The following ENOX1 variants were observed in gnomAD, a reference collection of about 807,000 sequenced individuals.
ENOX1 encodes the protein ecto-NOX disulfide-thiol exchanger 1.
A neutral mutation model predicts 82.5 loss-of-function variants in ENOX1; 42 were observed. The ratio of observed to expected loss-of-function variants is 0.51; its 90% CI spans 0.40 to 0.66. The LOEUF (loss-of-function observed/expected upper bound fraction) is 0.66. Among genes scored for constraint, ENOX1 ranks in the 30% least tolerant of loss-of-function variants. The pLI is 0.00. For missense variants in ENOX1, 608 were observed against 811.6 expected, an observed-to-expected ratio of 0.75 and a Z score of 3.05; for synonymous variants, 271 against 282.2, an observed-to-expected ratio of 0.96 and a Z score of 0.40.
At chr13:43,375,052 C>A (rs1431940356) in intron 5 of ENOX1, among the ~76,000 whole-genome samples, 1 of 152,126 alleles carries the variant, frequency 6.6e-6, no homozygotes, top group African/African-American at 2.4e-5. Context: ...CGTTTATGTG[C>A]CAGCAATTTA....
At chr13:43,605,546 C>T (rs998627130) in intron 2 of ENOX1, among the ~76,000 whole-genome samples, 2 of 152,030 alleles carry the variant, frequency 1.3e-5, no homozygotes, top group Non-Finnish European at 2.9e-5. Flanking sequence ...CAAGAACATA[C>T]CTTAGGGGAA....
intron 1 of ENOX1, among the ~76,000 whole-genome samples, chr13:43,770,697 A>ACG (rs1951540124): frequency 2.0e-5 from 3 of 148,358 alleles, no homozygotes; most frequent in African/African-American, 5.2e-5. Context: ...ACACACACAC[A>ACG]CACACACACA....
At chr13:43,711,681 G>A (rs1415747941) in intron 1 of ENOX1, among the ~76,000 whole-genome samples, 5 of 152,096 alleles carry the variant, frequency 3.3e-5, no homozygotes, top group African/African-American at 7.3e-5. Context: ...GTGATGATGA[G>A]CATTTTTTCA....
intron 9 of ENOX1, among the ~76,000 whole-genome samples, chr13:43,327,355 C>T (rs2048171569): frequency 6.6e-6 from 1 of 152,204 alleles, no homozygotes; most frequent in African/African-American, 2.4e-5. Flanking sequence ...TAATTTAGTA[C>T]TTCTGCTGCT....
At chr13:43,398,837 C>T (rs140842015) in intron 5 of ENOX1, among the ~76,000 whole-genome samples, 1 of 150,988 alleles carries the variant, frequency 6.6e-6, no homozygotes. Flanking sequence ...TCTCTGTCAC[C>T]CAGGCTGGAG....
At chr13:43,721,383 T>A (rs958649297) in intron 1 of ENOX1, among the ~76,000 whole-genome samples, 1 of 137,988 alleles carries the variant, frequency 7.2e-6, no homozygotes, top group African/African-American at 2.7e-5. Flanking sequence ...TATCTTTTTT[T>A]TTTTTTTTTT....
intron 2 of ENOX1, among the ~76,000 whole-genome samples, chr13:43,594,473 T>C (rs2081373601): frequency 1.3e-5 from 2 of 152,196 alleles, no homozygotes; most frequent in Non-Finnish European, 2.9e-5. Context: ...GCACTTCAGT[T>C]CAAAAGGCTA....
chr13:43,439,041 C>CTTTTTTTTTTT (rs61212622), intron 3 of ENOX1, among the ~76,000 whole-genome samples: 2 of 120,146 alleles, frequency 1.7e-5, no homozygotes, highest in African/African-American at 3.1e-5. Flanking sequence ...GTCTTTTAAT[C>CTTTTTTTTTTT]TTTTTTTTTT....
chr13:43,531,306 C>CA (rs1316363465), intron 2 of ENOX1, among the ~76,000 whole-genome samples: 5 of 151,798 alleles, frequency 3.3e-5, no homozygotes, highest in African/African-American at 1.2e-4. Flanking sequence ...TTTATGCAGC[C>CA]AAAAACACAT....
Position 43,430,988 on chromosome 13 carries a change from G to A in ENOX1, c.-74-18000C>T, listed in dbSNP as rs374341298. On this transcript the variant is annotated intron_variant, in intron 3 of 16. Transcript: ENST00000690772. The stretch of plus-strand genomic sequence containing the variant: ...TGACTTCTAAATGTAGATCTTTGGG[G>A]AGAAAGATATTAAGCTTCCCTATTT... Among the ~76,000 whole-genome samples the A allele has an allele frequency of 4.9e-4, 74 of 152,170 alleles. 1 individual carries two copies. The South Asian group carries it at 0.015, about 31-fold the overall frequency.
At chr13:43,399,992 G>T (rs1216687311) in intron 5 of ENOX1, among the ~76,000 whole-genome samples, 1 of 151,860 alleles carries the variant, frequency 6.6e-6, no homozygotes, top group East Asian at 1.9e-4. Flanking sequence ...TCTTGTAGGA[G>T]TGTGTAGTCC....
At chr13:43,392,935 C>T (rs907552228) in intron 5 of ENOX1, among the ~76,000 whole-genome samples, 2 of 152,004 alleles carry the variant, frequency 1.3e-5, no homozygotes, top group African/African-American at 4.8e-5. Context: ...TCTCTGTGTT[C>T]AGCCACGAGA....
chr13:43,505,465 T>C (rs2077120989), intron 2 of ENOX1, among the ~76,000 whole-genome samples: 1 of 152,002 alleles, frequency 6.6e-6, no homozygotes, highest in African/African-American at 2.4e-5. Flanking sequence ...AAATTTTCTT[T>C]CTTAAATATA....
At chr13:43,552,594 C>T (rs1357930389) in intron 2 of ENOX1, among the ~76,000 whole-genome samples, 1 of 152,066 alleles carries the variant, frequency 6.6e-6, no homozygotes, top group East Asian at 1.9e-4. Context: ...CTGTTCTTCC[C>T]CCTCTCATTT....
intron 16 of ENOX1, among the ~76,000 whole-genome samples, chr13:43,215,758 T>C (rs1321461347): frequency 6.6e-6 from 1 of 152,088 alleles, no homozygotes; most frequent in Non-Finnish European, 1.5e-5. Flanking sequence ...AGCGGTCACC[T>C]GGAGGCACTT....
intron 1 of ENOX1, among the ~76,000 whole-genome samples, chr13:43,747,038 C>G (rs980707652): frequency 3.9e-5 from 6 of 152,148 alleles, no homozygotes; most frequent in Non-Finnish European, 1.5e-5. Flanking sequence ...ACCTCCCCTC[C>G]AGTTTAGCAA....
intron 2 of ENOX1, among the ~76,000 whole-genome samples, chr13:43,597,420 C>T (rs778867487): frequency 6.6e-6 from 1 of 152,154 alleles, no homozygotes; most frequent in Non-Finnish European, 1.5e-5. Flanking sequence ...GACTTCTAAA[C>T]CAAAAGCCTT....
chr13:43,607,409 G>C (rs529623764), intron 2 of ENOX1, among the ~76,000 whole-genome samples: 10 of 152,034 alleles, frequency 6.6e-5, no homozygotes, highest in African/African-American at 2.2e-4. Flanking sequence ...ATTTGTAACC[G>C]CATAGTTTGT....
intron 5 of ENOX1, among the ~76,000 whole-genome samples, chr13:43,371,012 G>A (rs565364400): frequency 5.3e-5 from 8 of 152,022 alleles, no homozygotes; most frequent in South Asian, 4.2e-4. Context: ...ATGAGAACAG[G>A]CCCTAATTGG....
Sources: gnomAD v4.1 joint callset for allele counts (sites outside exome capture counted in the v4.1 genomes callset) on GRCh38, gnomAD v4.1.1 for gene constraint, MANE v1.5 for transcripts, NCBI Gene and HGNC (gene_info 2026-07-23, HGNC 2026-07-21) for gene names.